The following BCL11A variants were observed in gnomAD, a reference collection of about 807,000 sequenced individuals.
BCL11A encodes BCL11 transcription factor A.
Under a neutral mutation model 55.9 loss-of-function variants are expected in BCL11A, and 2 were observed. That is an observed-to-expected ratio of 0.04 (90% confidence interval 0.01 to 0.11). The LOEUF is 0.11. Ranked by LOEUF, BCL11A falls within the 10% of genes least tolerant of loss-of-function variation. The pLI is 1.00. For synonymous variants in BCL11A, 465 were observed against 473.4 expected, an observed-to-expected ratio of 0.98 and a Z score of 0.23; for missense variants, 817 against 1,137.1, an observed-to-expected ratio of 0.72 and a Z score of 4.05.
chr2:60,451,617 T>G (rs1186065253), exon 5 of BCL11A: 1 of 231,174 alleles, frequency 4.3e-6, no homozygotes. Flanking sequence ...AGAAGTTTTA[T>G]GTTTGTTTGT....
chr2:60,468,698 T>A lies in BCL11A; in HGVS notation c.487+34A>T, dbSNP rs368644766. 4 of 1,500,890 alleles carry A rather than the reference T, an allele frequency of 2.7e-6. No individual in the cohort carries two copies. In the East Asian group the frequency reaches 9.0e-5, roughly 34 times the overall value. 93.0% of individuals were successfully genotyped at this position (1,500,890 alleles called of 1,614,324 possible). Reference sequence around the variant, plus strand: ...CCAGAAATTCTCATCTCTATACACATGGACATTTGTAGAAGAAATAAGGCT... The same window carrying A: ...CCAGAAATTCTCATCTCTATACACAAGGACATTTGTAGAAGAAATAAGGCT... On this transcript the variant is annotated intron_variant, in intron 3 of 3. Transcript: ENST00000642384.
At chr2:60,482,622 G>A (rs993698683) in intron 2 of BCL11A, among the ~76,000 whole-genome samples, 9 of 152,158 alleles carry the variant, frequency 5.9e-5, no homozygotes, top group Non-Finnish European at 8.8e-5. Flanking sequence ...TTCAGACTTG[G>A]AAAGTTCTCC....
chr2:60,529,779 G>A (rs778390388), intron 2 of BCL11A, among the ~76,000 whole-genome samples: 4 of 152,190 alleles, frequency 2.6e-5, no homozygotes, highest in Non-Finnish European at 5.9e-5. Context: ...GCACAATGGT[G>A]CCTTTTCAAG....
chr2:60,485,989 G>T (rs973927042), intron 2 of BCL11A, among the ~76,000 whole-genome samples: 3 of 151,954 alleles, frequency 2.0e-5, no homozygotes, highest in African/African-American at 7.3e-5. Flanking sequence ...TTCTGCTCTG[G>T]TTCTCCTCTC....
intron 1 of BCL11A, among the ~76,000 whole-genome samples, chr2:60,547,192 T>A (rs1327529239): frequency 6.6e-6 from 1 of 152,150 alleles, no homozygotes; most frequent in Non-Finnish European, 1.5e-5. Flanking sequence ...ATCAGAATGG[T>A]CAAGCAAACA....
chr2:60,490,547 G>A (rs1370594972), intron 2 of BCL11A, among the ~76,000 whole-genome samples: 1 of 151,436 alleles, frequency 6.6e-6, no homozygotes, highest in African/African-American at 2.4e-5. Context: ...CCTCAATGAA[G>A]GTCTACCTAG....
At chr2:60,543,806 T>G (rs1318380095) in intron 2 of BCL11A, 1 of 152,226 alleles carries the variant, frequency 6.6e-6, no homozygotes, top group Non-Finnish European at 1.5e-5. Flanking sequence ...GTGCGCCCAT[T>G]GAATATCTTA....
intron 2 of BCL11A, among the ~76,000 whole-genome samples, chr2:60,487,449 T>C (rs905260710): frequency 2.0e-5 from 3 of 152,200 alleles, no homozygotes; most frequent in Admixed American, 6.5e-5. Context: ...TTCTCAAATG[T>C]AGATTATCTT....
intron 2 of BCL11A, among the ~76,000 whole-genome samples, chr2:60,538,737 CTCTGTGTG>C (rs1210454300): frequency 0.033 from 3,946 of 118,454 alleles, 96 homozygotes; most frequent in East Asian, 0.13. Flanking sequence ...CTCTCTCTCT[CTCTGTGTG>C]TGTGTGTGTG....
chr2:60,466,907 T>G (rs942035074), intron 3 of BCL11A, among the ~76,000 whole-genome samples: 1 of 152,256 alleles, frequency 6.6e-6, no homozygotes, highest in African/African-American at 2.4e-5. Context: ...CCCTAACCTT[T>G]TAGCCATGCA....
chr2:60,511,263 C>T (rs766245997), intron 2 of BCL11A, among the ~76,000 whole-genome samples: 7 of 152,216 alleles, frequency 4.6e-5, no homozygotes, highest in Non-Finnish European at 1.0e-4. Context: ...TACCTGAGAG[C>T]CCGGGATGCA....
At chr2:60,486,367 G>A (rs963034162) in intron 2 of BCL11A, among the ~76,000 whole-genome samples, 5 of 152,254 alleles carry the variant, frequency 3.3e-5, no homozygotes, top group African/African-American at 4.8e-5. Context: ...GAGAAAGAAC[G>A]GATAGCCAAA....
In BCL11A at chr2:60,510,418, A is replaced by T. The variant is rs548823495; in HGVS notation, c.385+35553T>A. The stretch of plus-strand genomic sequence containing the variant: ...CATCTTCTCAAAATTCTCATGGCCA[A>T]CTTCCTCACCTCTTTGGAGCCTTTG... On this transcript the variant is annotated intron_variant, in intron 2 of 3. Coordinates refer to ENST00000642384, the MANE Select transcript of BCL11A (RefSeq NM_022893.4). 8.5e-4 allele frequency among the ~76,000 whole-genome samples: 130 copies of T among 152,250 alleles called. 1 individual carries two copies. Among genetic ancestry groups the T allele is most frequent in the Middle Eastern group, 3.4e-3 (1 of 294 alleles).
intron 2 of BCL11A, among the ~76,000 whole-genome samples, chr2:60,487,591 C>CA (rs982987004): frequency 3.3e-5 from 5 of 151,936 alleles, no homozygotes; most frequent in African/African-American, 9.7e-5. Flanking sequence ...CAAAACAAAA[C>CA]AAAAAAAGGC....
chr2:60,464,657 GCCATGAATTGTAGTCATTGATAAAT>G (rs1676499528), intron 3 of BCL11A, among the ~76,000 whole-genome samples: 1 of 152,190 alleles, frequency 6.6e-6, no homozygotes, highest in Admixed American at 6.5e-5. Flanking sequence ...TTTCACATGT[GCCATGAATTGTAGTCATTGATAAAT>G]GCCAAAATCT....
chr2:60,471,055 T>G (rs1208619611), intron 2 of BCL11A, among the ~76,000 whole-genome samples: 3 of 152,222 alleles, frequency 2.0e-5, no homozygotes, highest in Non-Finnish European at 4.4e-5. Flanking sequence ...AAGAAGGTCC[T>G]GTTTCTACTG....
chr2:60,492,642 C>CTT, intron 2 of BCL11A, among the ~76,000 whole-genome samples: 1 of 151,886 alleles, frequency 6.6e-6, no homozygotes, highest in South Asian at 2.1e-4. Context: ...CTCTCTCTCT[C>CTT]TGTCATTACC....
At chr2:60,521,729 TG>T (rs1054055197) in intron 2 of BCL11A, among the ~76,000 whole-genome samples, 2 of 152,134 alleles carry the variant, frequency 1.3e-5, no homozygotes, top group African/African-American at 4.8e-5. Flanking sequence ...AGGGCTCAAA[TG>T]GCCAAAGAAA....
At chr2:60,491,506 CT>C (rs1678629855) in intron 2 of BCL11A, among the ~76,000 whole-genome samples, 1 of 151,966 alleles carries the variant, frequency 6.6e-6, no homozygotes. Flanking sequence ...AACCCCGTCT[CT>C]ACTAAAAATA....
Sources: gnomAD v4.1 joint callset for allele counts (sites outside exome capture counted in the v4.1 genomes callset) on GRCh38, gnomAD v4.1.1 for gene constraint, MANE v1.5 for transcripts, NCBI Gene and HGNC (gene_info 2026-07-23, HGNC 2026-07-21) for gene names.